The following TSHZ2 variants were observed in gnomAD, a reference collection of about 807,000 sequenced individuals.
The protein encoded by TSHZ2 is teashirt homolog 2.
Under a neutral mutation model 74.4 loss-of-function variants are expected in TSHZ2, and 21 were observed. That is an observed-to-expected ratio of 0.28 (90% CI 0.20 to 0.41). The LOEUF is 0.41. Among genes scored for constraint, TSHZ2 ranks in the 10% least tolerant of loss-of-function variants. TSHZ2 has a pLI of 1.00. For synonymous variants in TSHZ2, 540 were observed against 515.3 expected (o/e 1.05, Z -0.65); for missense variants, 1,244 against 1,293.5 (o/e 0.96, Z 0.59).
intron 1 of TSHZ2, among the ~76,000 whole-genome samples, chr20:53,111,926 G>A (rs954379269): frequency 3.3e-5 from 5 of 152,090 alleles, no homozygotes; most frequent in African/African-American, 1.2e-4. Flanking sequence ...TGGGCAAGAG[G>A]CCCCACCTAC....
intron 1 of TSHZ2, chr20:53,185,432 T>C: frequency 7.6e-7 from 1 of 1,313,900 alleles, no homozygotes; most frequent in East Asian, 3.1e-5. Flanking sequence ...TCCAGCACTT[T>C]GGGAGGCCGA....
intron 1 of TSHZ2, among the ~76,000 whole-genome samples, chr20:53,213,650 GACA>G (rs1412508829): frequency 6.6e-6 from 1 of 151,252 alleles, no homozygotes; most frequent in Non-Finnish European, 1.5e-5. Context: ...TTTCTTTGGT[GACA>G]ACATTATTTG....
chr20:53,121,144 A>C (rs1439302561), intron 1 of TSHZ2, among the ~76,000 whole-genome samples: 1 of 152,190 alleles, frequency 6.6e-6, no homozygotes, highest in Non-Finnish European at 1.5e-5. Context: ...AGACAGACAA[A>C]ATCAGTATTG....
intron 2 of TSHZ2, among the ~76,000 whole-genome samples, chr20:53,281,941 A>G (rs1445844264): frequency 6.6e-6 from 1 of 152,218 alleles, no homozygotes; most frequent in Non-Finnish European, 1.5e-5. Context: ...GTACTGGCAG[A>G]GCAGCTTCAG....
At chr20:53,213,295 A>T (rs1989355937) in intron 1 of TSHZ2, among the ~76,000 whole-genome samples, 1 of 152,116 alleles carries the variant, frequency 6.6e-6, no homozygotes, top group South Asian at 2.1e-4. Context: ...GCAAAATTGT[A>T]CCTTTTGGCT....
At position 53,494,446 on chromosome 20, in the gene TSHZ2, A is replaced by T. The variant is rs1986529203; in HGVS notation, c.*7311A>T. On this transcript the variant is annotated 3_prime_UTR_variant, in exon 3 of 3. Transcript: ENST00000371497. ...AAACATTCACAGCGTCCCCTTGCTG[A>T]ATAAAAATGACTTTGTTTGGAGGCA... 6.6e-6 allele frequency: 1 copy of T among 152,204 alleles called. No homozygotes were observed. The highest frequency in any genetic ancestry group is 1.5e-5 in the Non-Finnish European group (1 of 68,034). The allele number at this position is 152,204 out of a possible 1,614,324, so 9.4% of individuals were successfully genotyped here.
intron 2 of TSHZ2, among the ~76,000 whole-genome samples, chr20:53,401,573 G>A (rs1199019832): frequency 7.2e-6 from 1 of 139,050 alleles, no homozygotes; most frequent in Non-Finnish European, 1.5e-5. Context: ...AGTCCCCAAA[G>A]TCCATTATGT....
chr20:53,140,635 A>C (rs990551287), intron 1 of TSHZ2, among the ~76,000 whole-genome samples: 13 of 150,936 alleles, frequency 8.6e-5, no homozygotes, highest in Non-Finnish European at 1.9e-4. Context: ...TCTGATTCTG[A>C]CCCCCATGGC....
At chr20:53,391,114 A>AGTTTT (rs1982233327) in intron 2 of TSHZ2, among the ~76,000 whole-genome samples, 3 of 93,350 alleles carry the variant, frequency 3.2e-5, no homozygotes, top group Non-Finnish European at 7.6e-5. Context: ...CATATACTAC[A>AGTTTT]CTTTTGTTTT....
chr20:53,257,862 A>G (rs1990515705), intron 2 of TSHZ2, among the ~76,000 whole-genome samples: 1 of 152,160 alleles, frequency 6.6e-6, no homozygotes, highest in Non-Finnish European at 1.5e-5. Context: ...ACCACACCCT[A>G]TTGTCAGAGC....
chr20:53,118,424 TAAAAC>T (rs1169494605), intron 1 of TSHZ2, among the ~76,000 whole-genome samples: 2 of 151,116 alleles, frequency 1.3e-5, no homozygotes, highest in South Asian at 2.1e-4. Flanking sequence ...GAAAAAAAAA[TAAAAC>T]AAAAACTTAC....
At chr20:52,993,084 C>A (rs933702205) in intron 1 of TSHZ2, among the ~76,000 whole-genome samples, 5 of 152,166 alleles carry the variant, frequency 3.3e-5, no homozygotes, top group Non-Finnish European at 4.4e-5. Context: ...AAAACATCCA[C>A]AATAGAAGGA....
chr20:53,438,577 G>A (rs1984186552), intron 2 of TSHZ2, among the ~76,000 whole-genome samples: 1 of 152,198 alleles, frequency 6.6e-6, no homozygotes, highest in African/African-American at 2.4e-5. Flanking sequence ...CCAGACTTGG[G>A]TCACATGCCC....
At chr20:53,220,549 C>A (rs1234013963) in intron 1 of TSHZ2, among the ~76,000 whole-genome samples, 1 of 152,194 alleles carries the variant, frequency 6.6e-6, no homozygotes, top group African/African-American at 2.4e-5. Flanking sequence ...TGGGACACAG[C>A]TGTGCCCCTT....
At chr20:53,229,916 AAAG>A (rs1304516642) in intron 1 of TSHZ2, among the ~76,000 whole-genome samples, 10 of 151,138 alleles carry the variant, frequency 6.6e-5, no homozygotes, top group Non-Finnish European at 1.2e-4. Context: ...AAAAAAAGAG[AAAG>A]AAGAAGGAAG....
At chr20:53,139,374 T>C (rs1271824360) in intron 1 of TSHZ2, among the ~76,000 whole-genome samples, 2 of 152,224 alleles carry the variant, frequency 1.3e-5, no homozygotes, top group Non-Finnish European at 2.9e-5. Flanking sequence ...ACTATCTCGA[T>C]TTTTCCTTGA....
chr20:53,001,183 A>G (rs6013591), intron 1 of TSHZ2, among the ~76,000 whole-genome samples: 3,085 of 107,102 alleles, frequency 0.029, 42 homozygotes, highest in African/African-American at 0.054. Context: ...TACAATGACA[A>G]TGTTGTGTGT....
intron 2 of TSHZ2, among the ~76,000 whole-genome samples, chr20:53,357,442 A>C (rs1195018253): frequency 6.6e-6 from 1 of 152,170 alleles, no homozygotes; most frequent in Non-Finnish European, 1.5e-5. Flanking sequence ...AAGTGGGAGA[A>C]TCACTTGAGC....
chr20:53,355,894 G>C (rs1042558913), intron 2 of TSHZ2, among the ~76,000 whole-genome samples: 8 of 152,230 alleles, frequency 5.3e-5, no homozygotes, highest in Non-Finnish European at 1.0e-4. Context: ...CTGGGACTGG[G>C]AGAGAACACT....
Sources: gnomAD v4.1 joint callset for allele counts (sites outside exome capture counted in the v4.1 genomes callset) on GRCh38, gnomAD v4.1.1 for gene constraint, MANE v1.5 for transcripts, NCBI Gene and HGNC (gene_info 2026-07-23, HGNC 2026-07-21) for gene names.